Variants in LMBR1 observed in about 807,000 individuals in gnomAD.
LMBR1 encodes the protein limb region 1 protein homolog.
A neutral mutation model predicts 73.9 loss-of-function variants in LMBR1; 52 were observed. The ratio of observed to expected loss-of-function variants is 0.70; its 90% CI spans 0.56 to 0.89. The LOEUF (loss-of-function observed/expected upper bound fraction) is 0.89, where lower values mean the gene tolerates loss of function less well. Ranked by LOEUF, LMBR1 falls within the 40% of genes least tolerant of loss-of-function variation. The pLI, the probability that LMBR1 is intolerant of heterozygous loss-of-function variation, is 0.00. For synonymous variants in LMBR1, 215 were observed against 209.4 expected (o/e 1.03, Z -0.23); for missense variants, 539 against 579.8 (o/e 0.93, Z 0.72).
chr7:156,826,712 G>C lies in LMBR1; in HGVS notation c.212C>G (p.Ser71Ter). 1 of 1,611,984 alleles carries C rather than the reference G, an allele frequency of 6.2e-7. No homozygotes were observed. Among genetic ancestry groups the C allele is most frequent in the South Asian group, 1.1e-5 (1 of 90,658 alleles). The change falls in exon 4 of 17, where the codon TCA (serine) becomes TGA (stop). Residue 71 changes from serine to a stop codon, truncating the protein, a stop_gained. Transcript: ENST00000353442. LOFTEE classifies it high-confidence loss of function. ...GGGTAAAAGCAAAACAGCCCCAGCTGACACTGCGAGAGTGAACGTGCTCAA... is the reference window on the plus strand; with the variant it reads ...GGGTAAAAGCAAAACAGCCCCAGCTCACACTGCGAGAGTGAACGTGCTCAA... The part of the protein sequence containing the change: ...LFLSTFTLAV[S>*]AGAVLLLPFS...
intron 7 of LMBR1, 78 bp from the exon 8 acceptor site, chr7:156,762,276 A>G: frequency 1.2e-6 from 1 of 834,060 alleles, no homozygotes; most frequent in South Asian, 1.5e-5. Flanking sequence ...TAGACTGTAA[A>G]AATAAGGGAA....
intron 9 of LMBR1, among the ~76,000 whole-genome samples, chr7:156,755,149 G>C (rs1211671387): frequency 6.6e-6 from 1 of 152,206 alleles, no homozygotes; most frequent in African/African-American, 2.4e-5. Flanking sequence ...CTATGCCAGT[G>C]AGGTGTTTTT....
chr7:156,691,831 T>C (rs1162573118), intron 15 of LMBR1, among the ~76,000 whole-genome samples: 1 of 152,192 alleles, frequency 6.6e-6, no homozygotes, highest in Non-Finnish European at 1.5e-5. Flanking sequence ...GTTAGATTAT[T>C]AGACTATGTT....
At position 156,852,430 on chromosome 7, in the gene LMBR1, T is replaced by C. The variant is rs567402995; in HGVS notation, c.67-15545A>G. 2.6e-5 allele frequency among the ~76,000 whole-genome samples: 4 copies of C among 152,356 alleles called. No individual in the cohort carries two copies. The South Asian group carries it at 6.2e-4, about 24-fold the overall frequency. The stretch of plus-strand genomic sequence containing the variant: ...GCCTTATTCTTCTTAAGGTTTCCTG[T>C]ACTATCTGATGGATAGCATGTTTCT... On this transcript the variant is annotated intron_variant, in intron 1 of 16. Transcript: ENST00000353442.
At chr7:156,779,608 T>TGA (rs1826763520) in intron 5 of LMBR1, 14 of 1,026,572 alleles carry the variant, frequency 1.4e-5, no homozygotes, top group Non-Finnish European at 1.8e-5. Context: ...GCTGGTCAAT[T>TGA]ATACATTTAA....
intron 5 of LMBR1, among the ~76,000 whole-genome samples, chr7:156,784,481 C>A (rs892014922): frequency 3.9e-5 from 6 of 152,146 alleles, no homozygotes; most frequent in Admixed American, 1.3e-4. Context: ...CTACTTCAGC[C>A]CAAAGCAAAT....
intron 1 of LMBR1, among the ~76,000 whole-genome samples, chr7:156,840,691 G>A (rs1838510924): frequency 6.6e-6 from 1 of 151,776 alleles, no homozygotes; most frequent in East Asian, 1.9e-4. Flanking sequence ...CGGGCGCGGT[G>A]GCTCACTCCT....
intron 15 of LMBR1, among the ~76,000 whole-genome samples, chr7:156,695,077 A>G (rs1290466240): frequency 6.6e-6 from 1 of 152,254 alleles, no homozygotes; most frequent in Admixed American, 6.5e-5. Context: ...TGGGAGGCTG[A>G]AACAAGAAAA....
At chr7:156,807,966 T>C (rs976812534) in intron 4 of LMBR1, among the ~76,000 whole-genome samples, 1 of 152,178 alleles carries the variant, frequency 6.6e-6, no homozygotes, top group Admixed American at 6.5e-5. Context: ...TTAATTTCAT[T>C]GTCCTTACAG....
At chr7:156,837,301 C>G (rs1345771388) in intron 1 of LMBR1, among the ~76,000 whole-genome samples, 1 of 147,160 alleles carries the variant, frequency 6.8e-6, no homozygotes, top group Non-Finnish European at 1.5e-5. Flanking sequence ...CACCATCGCA[C>G]TCTAGCCTGG....
At chr7:156,876,203 A>C (rs1800144203) in intron 1 of LMBR1, among the ~76,000 whole-genome samples, 1 of 152,196 alleles carries the variant, frequency 6.6e-6, no homozygotes. Flanking sequence ...TCAAAGCAAG[A>C]GCAGTTAAAA....
rs183052702 is a variant in LMBR1 at position 156,838,858 on chromosome 7, C to T, written c.67-1973G>A. Among the ~76,000 whole-genome samples the T allele has an allele frequency of 6.6e-5, 10 of 152,238 alleles. No homozygotes were observed. The East Asian group carries it at 1.9e-3, about 29-fold the overall frequency. ...CAACAATGTACAAGGGTTCCCTTCT[C>T]GCCACATCTTCATCAACCCTTGTTA... On this transcript the variant is annotated intron_variant, in intron 1 of 16. Coordinates refer to ENST00000353442, the MANE Select transcript of LMBR1 (RefSeq NM_022458.4).
intron 1 of LMBR1, among the ~76,000 whole-genome samples, chr7:156,874,981 G>C (rs1349411694): frequency 6.6e-6 from 1 of 152,176 alleles, no homozygotes; most frequent in Non-Finnish European, 1.5e-5. Flanking sequence ...TAATTCAGAA[G>C]ATCAGTTATT....
At position 156,763,265 on chromosome 7, in the gene LMBR1, C is replaced by T. The variant is rs1823458731; in HGVS notation, c.551-89G>A. 4 of 570,120 alleles carry T rather than the reference C, an allele frequency of 7.0e-6. No individual in the cohort carries two copies. In the Admixed American group the frequency reaches 1.6e-4, roughly 22 times the overall value. 35.3% of individuals were successfully genotyped at this position (570,120 alleles called of 1,614,324 possible). ...TATCTTACGATAAGATAGAGGCTGA[C>T]TGTACCTCATGTAAACATTGTAATT... On this transcript the variant is annotated intron_variant, in intron 6 of 16. Transcript: ENST00000353442.
chr7:156,795,452 A>C lies in LMBR1; in HGVS notation c.423+937T>G, dbSNP rs903610162. ...AATTGGTTAATAAAACTGAATTCTCAATAAAATTCATTCTCTGTTGAATGA... is the reference window on the plus strand; with the variant it reads ...AATTGGTTAATAAAACTGAATTCTCCATAAAATTCATTCTCTGTTGAATGA... On this transcript the variant is annotated intron_variant, in intron 5 of 16. Transcript: ENST00000353442. Among the ~76,000 whole-genome samples the C allele has an allele frequency of 4.6e-5, 7 of 152,352 alleles. No homozygotes were observed. The East Asian group carries it at 1.3e-3, about 29-fold the overall frequency.
intron 7 of LMBR1, among the ~76,000 whole-genome samples, chr7:156,762,821 G>C (rs1053596285): frequency 6.8e-6 from 1 of 146,754 alleles, no homozygotes; most frequent in African/African-American, 2.5e-5. Context: ...GACTGTATAT[G>C]AGTGTGTGAA....
chr7:156,724,277 T>C, intron 14 of LMBR1, 99 bp from the exon 15 acceptor site: 1 of 846,424 alleles, frequency 1.2e-6, no homozygotes, highest in Non-Finnish European at 1.9e-6. Context: ...TCTAGTTACC[T>C]AGTGTACTTT....
At chr7:156,807,635 T>C (rs944148276) in intron 4 of LMBR1, among the ~76,000 whole-genome samples, 1 of 152,208 alleles carries the variant, frequency 6.6e-6, no homozygotes, top group African/African-American at 2.4e-5. Context: ...CTGTTTTCTA[T>C]TTCATTGATT....
intron 3 of LMBR1, among the ~76,000 whole-genome samples, chr7:156,827,733 C>T (rs111328283): frequency 0.068 from 10,324 of 151,682 alleles, 444 homozygotes; most frequent in African/African-American, 0.11. Flanking sequence ...AAAAAAAATA[C>T]TAAATACCCA....
Sources: allele counts gnomAD v4.1 joint callset (sites outside exome capture counted in the v4.1 genomes callset), GRCh38; gene constraint gnomAD v4.1.1; transcripts MANE v1.5; gene names NCBI Gene and HGNC (gene_info 2026-07-23, HGNC 2026-07-21).